The following SLC4A5 variants were observed in gnomAD, a reference collection of about 807,000 sequenced individuals.
SLC4A5 encodes solute carrier family 4 member 5.
Under a neutral mutation model 120.4 loss-of-function variants are expected in SLC4A5, and 96 were observed. The ratio of observed to expected loss-of-function variants is 0.80; its 90% CI spans 0.68 to 0.94. The LOEUF is 0.94. Among genes scored for constraint, SLC4A5 ranks in the 40% least tolerant of loss-of-function variants. The pLI is 0.00. For missense variants in SLC4A5, 1,259 were observed against 1,459.5 expected (o/e 0.86, Z 2.24); for synonymous variants, 550 against 571.1 (o/e 0.96, Z 0.53).
intron 25 of SLC4A5, 124 bp downstream of exon 25, chr2:74,231,112 T>C (rs951087993): frequency 2.0e-5 from 17 of 846,028 alleles, no homozygotes; most frequent in Non-Finnish European, 2.9e-5. Flanking sequence ...CGGCCAAGAC[T>C]GTGCCTTTCT....
intron 6 of SLC4A5, among the ~76,000 whole-genome samples, chr2:74,305,731 T>C (rs1056491132): frequency 2.1e-5 from 3 of 145,620 alleles, no homozygotes; most frequent in Non-Finnish European, 4.5e-5. Flanking sequence ...CTTTTTTTTT[T>C]TTTTTTTTTT....
At chr2:74,232,947 A>G (rs1187602557) in intron 23 of SLC4A5, among the ~76,000 whole-genome samples, 1 of 152,082 alleles carries the variant, frequency 6.6e-6, no homozygotes, top group Non-Finnish European at 1.5e-5. Flanking sequence ...GCGGTTCCTG[A>G]GGGGCCCCAG....
In SLC4A5 at chr2:74,264,303, T is replaced by C. The variant is rs369817558; in HGVS notation, c.563-4A>G. ...ATCTGCTTCTCAATGACATCATCTG[T>C]GTGGAAAACATACACACCTCATCCC... On this transcript the variant is annotated splice_region_variant and splice_polypyrimidine_tract_variant and intron_variant, in intron 9 of 30. Transcript: ENST00000394019. 5.0e-6 allele frequency: 8 copies of C among 1,612,916 alleles called. No individual in the cohort carries two copies. The highest frequency in any genetic ancestry group is 1.7e-5 in the Admixed American group (1 of 59,916).
chr2:74,335,534 C>T (rs1350114971), intron 3 of SLC4A5, among the ~76,000 whole-genome samples: 1 of 152,208 alleles, frequency 6.6e-6, no homozygotes, highest in South Asian at 2.1e-4. Context: ...TACTTCTCAC[C>T]CTGTGCCCCT....
At chr2:74,320,609 A>C (rs1470331056) in intron 5 of SLC4A5, among the ~76,000 whole-genome samples, 1 of 152,172 alleles carries the variant, frequency 6.6e-6, no homozygotes, top group African/African-American at 2.4e-5. Context: ...TATCTCAAAA[A>C]TTTACCTTCG....
chr2:74,253,271 A>C, intron 14 of SLC4A5, 143 bp from the exon 15 acceptor site: 2 of 975,936 alleles, frequency 2.0e-6, no homozygotes, highest in Non-Finnish European at 3.0e-6. Context: ...GAATGAGACT[A>C]TAGTACATTG....
chr2:74,260,833 A>T (rs1671111569), intron 11 of SLC4A5, among the ~76,000 whole-genome samples: 1 of 152,164 alleles, frequency 6.6e-6, no homozygotes, highest in African/African-American at 2.4e-5. Flanking sequence ...CATTATCTTC[A>T]GAATAAAACC....
chr2:74,246,195 G>A (rs1465347270), intron 19 of SLC4A5, among the ~76,000 whole-genome samples: 1 of 152,224 alleles, frequency 6.6e-6, no homozygotes, highest in Non-Finnish European at 1.5e-5. Flanking sequence ...TAACTCCACA[G>A]GAGTGGCACT....
chr2:74,221,313 G>A (rs1056909419), intron 30 of SLC4A5, 121 bp downstream of exon 30: 3 of 658,284 alleles, frequency 4.6e-6, no homozygotes, highest in Non-Finnish European at 5.1e-6. Flanking sequence ...TCCCAGTTGG[G>A]GGCCAGCAAG....
At chr2:74,287,040 T>C (rs1672006689) in intron 7 of SLC4A5, among the ~76,000 whole-genome samples, 1 of 152,080 alleles carries the variant, frequency 6.6e-6, no homozygotes, top group Admixed American at 6.6e-5. Flanking sequence ...ACACTCATAT[T>C]GAAATTTTCA....
intron 21 of SLC4A5, among the ~76,000 whole-genome samples, chr2:74,238,193 A>C (rs915236932): frequency 3.3e-5 from 5 of 152,182 alleles, no homozygotes; most frequent in African/African-American, 1.2e-4. Flanking sequence ...AACTCTAACA[A>C]AAAATGTTCA....
At chr2:74,339,540 G>A (rs966509126) in intron 2 of SLC4A5, 5 of 152,222 alleles carry the variant, frequency 3.3e-5, no homozygotes, top group Non-Finnish European at 7.3e-5. Context: ...TCTCTCCAGG[G>A]AAGAGGTCAC....
exon 27 of SLC4A5, chr2:74,227,126 C>A: frequency 6.2e-7 from 1 of 1,610,426 alleles, no homozygotes; most frequent in South Asian, 1.1e-5. Context: ...GCAGCGTTCC[C>A]AGAACTAGGG....
In SLC4A5 at chr2:74,253,025, T is replaced by C; in HGVS notation, c.1217A>G (p.Asp406Gly). The C allele has an allele frequency of 6.2e-7, 1 of 1,614,148 alleles. No homozygotes were observed. Among genetic ancestry groups the C allele is most frequent in the Non-Finnish European group, 8.5e-7 (1 of 1,180,020 alleles). Residue 406 changes from aspartate to glycine, a missense_variant, in exon 15 of 31, where the codon GAC becomes GGC. Coordinates refer to ENST00000394019, the Ensembl canonical transcript of SLC4A5. Reference sequence around the variant, plus strand: ...GGGGGGCTCAATCCGGATATTTGGGTCCCATTCTCCAGGAGGAAGGACGAT... The same window carrying C: ...GGGGGGCTCAATCCGGATATTTGGGCCCCATTCTCCAGGAGGAAGGACGAT...
intron 29 of SLC4A5, among the ~76,000 whole-genome samples, chr2:74,222,467 A>T (rs1014891530): frequency 3.3e-5 from 5 of 152,202 alleles, no homozygotes; most frequent in Admixed American, 1.3e-4. Context: ...CTCAGCTCCC[A>T]GGCCATGGAA....
chr2:74,275,244 A>G (rs1671602091), intron 8 of SLC4A5, among the ~76,000 whole-genome samples: 1 of 152,188 alleles, frequency 6.6e-6, no homozygotes, highest in South Asian at 2.1e-4. Flanking sequence ...TCTGCTCCCA[A>G]GCTCATGCAT....
chr2:74,304,615 C>T (rs1672581811), exon 7 of SLC4A5: 2 of 1,614,154 alleles, frequency 1.2e-6, no homozygotes, highest in Non-Finnish European at 1.7e-6. Context: ...GAAAGATGTC[C>T]CTTCTGGTCA....
At position 74,226,944 on chromosome 2, in the gene SLC4A5, G is replaced by A. The variant is rs776272391; in HGVS notation, c.3090+13C>T. 85 of 1,610,056 alleles carry A rather than the reference G, an allele frequency of 5.3e-5. 1 individual carries two copies. Among genetic ancestry groups the A allele is most frequent in the Middle Eastern group, 3.3e-4 (2 of 6,062 alleles). ...CCTGCCAGGCAGGAGGGGGAAGCCC[G>A]TGCCCACTTTACCATGACCGGGAAG... On this transcript the variant is annotated intron_variant, in intron 27 of 30. Transcript: ENST00000394019.
intron 8 of SLC4A5, among the ~76,000 whole-genome samples, chr2:74,276,716 T>C (rs145589133): frequency 0.013 from 1,108 of 87,444 alleles, 7 homozygotes; most frequent in African/African-American, 0.094. Context: ...CTGCTCTCCC[T>C]GTCTTCCATG....
Sources: gnomAD v4.1 joint callset for allele counts (sites outside exome capture counted in the v4.1 genomes callset) on GRCh38, gnomAD v4.1.1 for gene constraint, MANE v1.5 for transcripts, NCBI Gene and HGNC (gene_info 2026-07-23, HGNC 2026-07-21) for gene names.